Variants in MLLT1 observed in about 807,000 individuals in gnomAD.
The protein encoded by MLLT1 is protein ENL.
MLLT1 carries 11 observed loss-of-function variants against 55.1 expected under a neutral mutation model. That is an observed-to-expected ratio of 0.20 (90% CI 0.13 to 0.33). The LOEUF (loss-of-function observed/expected upper bound fraction) is 0.33, where lower values mean the gene tolerates loss of function less well. Among genes scored for constraint, MLLT1 ranks in the 10% least tolerant of loss-of-function variants. The probability of loss-of-function intolerance (pLI) is 1.00; values close to 1 mark genes in which losing one functional copy is unlikely to be tolerated. For synonymous variants in MLLT1, 323 were observed against 320.1 expected (o/e 1.01, Z -0.10); for missense variants, 536 against 760.6 (o/e 0.70, Z 3.47).
At chr19:6,236,243 A>C (rs1193301327) in intron 3 of MLLT1, among the ~76,000 whole-genome samples, 1 of 152,216 alleles carries the variant, frequency 6.6e-6, no homozygotes, top group African/African-American at 2.4e-5. Flanking sequence ...ACCGTGTCAC[A>C]GTGTCTGCAG....
intron 3 of MLLT1, among the ~76,000 whole-genome samples, chr19:6,239,498 G>A (rs1293273526): frequency 6.6e-6 from 1 of 152,136 alleles, no homozygotes; most frequent in East Asian, 1.9e-4. Flanking sequence ...GAGGGCCACG[G>A]GCAGGGAGTT....
Position 6,227,340 on chromosome 19 carries a change from G to A in MLLT1, c.421-238C>T, listed in dbSNP as rs545229078. Among the ~76,000 whole-genome samples, 15 of 152,326 alleles carry A rather than the reference G, an allele frequency of 9.8e-5. No individual in the cohort carries two copies. Among genetic ancestry groups the A allele is most frequent in the East Asian group, 7.8e-4 (4 of 5,156 alleles). On this transcript the variant is annotated intron_variant, in intron 4 of 11. Coordinates refer to ENST00000252674, the MANE Select transcript of MLLT1 (RefSeq NM_005934.4). This position sits in a 1 kb window ranked among gnomAD's most constrained non-coding sequence, Gnocchi z 5.1. The stretch of plus-strand genomic sequence containing the variant: ...GGTCCCAGGATGGCTGGGACCAGGT[G>A]GGGCCACGCGGCCTTCCGGGAACAG...
rs953538295 is a variant in MLLT1, at chr19:6,262,095, C to G, written c.276+133G>C. ...AGGAATGGAGATGGTGACCAGCACC[C>G]CCCGCAGCACTCACTGGAATGTCTG... is the stretch of plus-strand genomic sequence containing the variant. On this transcript the variant is annotated intron_variant, in intron 3 of 11. Coordinates refer to ENST00000252674, the MANE Select transcript of MLLT1 (RefSeq NM_005934.4). This position sits in a 1 kb window ranked among gnomAD's most constrained non-coding sequence, Gnocchi z 4.4. The G allele has an allele frequency of 1.4e-6, 1 of 697,254 alleles. No homozygotes were observed. The highest frequency in any genetic ancestry group is 1.6e-5 in the South Asian group (1 of 61,496). 43.2% of individuals were successfully genotyped at this position (697,254 alleles called of 1,614,324 possible).
At position 6,212,895 on chromosome 19, in the gene MLLT1, G is replaced by A. The variant is rs943217067; in HGVS notation, c.*147C>T. ...CGGGGAGAGTGGGCAGGGAGCCGCC[G>A]AGGAAAGTGCAGCGGGCTGTGCGGG... On this transcript the variant is annotated 3_prime_UTR_variant, in exon 12 of 12. Transcript: ENST00000252674. The A allele has an allele frequency of 1.0e-4, 117 of 1,131,816 alleles. No individual in the cohort carries two copies. Among genetic ancestry groups the A allele is most frequent in the East Asian group, 6.1e-4 (23 of 37,830 alleles). 70.1% of individuals were successfully genotyped at this position (1,131,816 alleles called of 1,614,324 possible). A position where few individuals can be genotyped will look rare whatever the true frequency, so the allele number is the denominator to read the frequency against.
Position 6,231,062 on chromosome 19 carries a change from G to A in MLLT1, c.277-349C>T, listed in dbSNP as rs1231709600. The stretch of plus-strand genomic sequence containing the variant: ...ACACCAACTAACACGTGGCAGCACT[G>A]AGACCTGCCCCAGGCCTCTGAGGCC... On this transcript the variant is annotated intron_variant, in intron 3 of 11. Coordinates refer to ENST00000252674, the MANE Select transcript of MLLT1 (RefSeq NM_005934.4). This position sits in a 1 kb window ranked among gnomAD's most constrained non-coding sequence, Gnocchi z 5.1. Among the ~76,000 whole-genome samples, 1 of 152,200 alleles carries A rather than the reference G, an allele frequency of 6.6e-6. No individual in the cohort carries two copies. The highest frequency in any genetic ancestry group is 6.5e-5 in the Admixed American group (1 of 15,280).
At chr19:6,232,935 T>C (rs901521322) in intron 3 of MLLT1, among the ~76,000 whole-genome samples, 4 of 152,152 alleles carry the variant, frequency 2.6e-5, no homozygotes, top group Non-Finnish European at 2.9e-5. Flanking sequence ...TGAAGGCTTC[T>C]GAGTTGGGGA....
chr19:6,269,325 C>T (rs896003560), intron 2 of MLLT1, among the ~76,000 whole-genome samples: 5 of 152,366 alleles, frequency 3.3e-5, no homozygotes, highest in African/African-American at 7.2e-5. Flanking sequence ...CGCGATCCTG[C>T]GCACGAAGCG....
intron 3 of MLLT1, among the ~76,000 whole-genome samples, chr19:6,245,975 G>A (rs1342127392): frequency 6.6e-6 from 1 of 152,166 alleles, no homozygotes; most frequent in Non-Finnish European, 1.5e-5. Flanking sequence ...CTACTTGAGA[G>A]GCTGAGGCAG....
Position 6,273,964 on chromosome 19 carries a change from G to A in MLLT1, c.13-3205C>T, listed in dbSNP as rs985475099. Among the ~76,000 whole-genome samples the A allele has an allele frequency of 6.6e-6, 1 of 152,234 alleles. No homozygotes were observed. The highest frequency in any genetic ancestry group is 1.5e-5 in the Non-Finnish European group (1 of 68,038). On this transcript the variant is annotated intron_variant, in intron 1 of 11. Coordinates refer to ENST00000252674, the MANE Select transcript of MLLT1 (RefSeq NM_005934.4). This position sits in a 1 kb window ranked among gnomAD's most constrained non-coding sequence, Gnocchi z 4.3. Reference sequence around the variant, plus strand: ...AGGATGGAAGCACCAGAACTCCACCGCAGTGGCCAAAGTAAACAGGAAGGT... The same window carrying A: ...AGGATGGAAGCACCAGAACTCCACCACAGTGGCCAAAGTAAACAGGAAGGT...
Position 6,212,489 on chromosome 19 carries a change from T to C in MLLT1, c.*553A>G. On this transcript the variant is annotated 3_prime_UTR_variant, in exon 12 of 12. Transcript: ENST00000252674. ...CTTGACCAGACAGTGCACACACATA[T>C]ATAATAGAGAGAACTATACAGCACA... 9.4e-7 allele frequency: 1 copy of C among 1,066,660 alleles called. No homozygotes were observed. 66.1% of individuals were successfully genotyped at this position (1,066,660 alleles called of 1,614,324 possible). A position where few individuals can be genotyped will look rare whatever the true frequency, so the allele number is the denominator to read the frequency against.
chr19:6,237,591 A>C (rs1214618878), intron 3 of MLLT1, among the ~76,000 whole-genome samples: 1 of 145,308 alleles, frequency 6.9e-6, no homozygotes, highest in East Asian at 2.0e-4. Flanking sequence ...CCCCATCTCT[A>C]CTAAAAATAC....
chr19:6,228,868 G>A (rs553003164), intron 4 of MLLT1, among the ~76,000 whole-genome samples: 2 of 152,242 alleles, frequency 1.3e-5, no homozygotes, highest in South Asian at 4.1e-4. Context: ...CCAGCGCCTG[G>A]GGCAGAGACC....
Position 6,240,994 on chromosome 19 carries a change from A to G in MLLT1, c.277-10281T>C, listed in dbSNP as rs1026772013. Among the ~76,000 whole-genome samples, 3 of 152,234 alleles carry G rather than the reference A, an allele frequency of 2.0e-5. No individual in the cohort carries two copies. The highest frequency in any genetic ancestry group is 7.2e-5 in the African/African-American group (3 of 41,462). On this transcript the variant is annotated intron_variant, in intron 3 of 11. Coordinates refer to ENST00000252674, the MANE Select transcript of MLLT1 (RefSeq NM_005934.4). This position sits in a 1 kb window ranked among gnomAD's most constrained non-coding sequence, Gnocchi z 4.7. ...CAGTCTGACACCAGAAAAGGCAGAA[A>G]GCAGCCAGCAACGTAAACACCTGTA...
chr19:6,276,117 G>A (rs1243102058), intron 1 of MLLT1, among the ~76,000 whole-genome samples: 4 of 152,152 alleles, frequency 2.6e-5, no homozygotes. Context: ...AACCACAACG[G>A]GCATAAAGGG....
At chr19:6,217,567 A>C (rs1253868161) in intron 7 of MLLT1, among the ~76,000 whole-genome samples, 1 of 152,222 alleles carries the variant, frequency 6.6e-6, no homozygotes, top group Non-Finnish European at 1.5e-5. Context: ...GGCCGTCCAC[A>C]GGCAGCCAGT....
Position 6,229,028 on chromosome 19 carries a change from G to A in MLLT1, c.420+1542C>T, listed in dbSNP as rs1022663963. On this transcript the variant is annotated intron_variant, in intron 4 of 11. Coordinates refer to ENST00000252674, the MANE Select transcript of MLLT1 (RefSeq NM_005934.4). This position sits in a 1 kb window ranked among gnomAD's most constrained non-coding sequence, Gnocchi z 5.2. ...TGCCCTCAGAGCCTTCATCGCTGTGGAGCAAAGGAAGCCGCCTCCCACAGG... is the reference window on the plus strand; with the variant it reads ...TGCCCTCAGAGCCTTCATCGCTGTGAAGCAAAGGAAGCCGCCTCCCACAGG... Among the ~76,000 whole-genome samples, 1 of 152,170 alleles carries A rather than the reference G, an allele frequency of 6.6e-6. No individual in the cohort carries two copies. Among genetic ancestry groups the A allele is most frequent in the African/African-American group, 2.4e-5 (1 of 41,438 alleles).
chr19:6,278,275 A>G (rs1390385933), intron 1 of MLLT1, among the ~76,000 whole-genome samples: 1 of 152,140 alleles, frequency 6.6e-6, no homozygotes, highest in Admixed American at 6.5e-5. Flanking sequence ...GGGGCCAGCA[A>G]TGCTTCTGGG....
intron 3 of MLLT1, among the ~76,000 whole-genome samples, chr19:6,241,164 T>C (rs2091109472): frequency 6.6e-6 from 1 of 152,206 alleles, no homozygotes; most frequent in East Asian, 1.9e-4. Flanking sequence ...CGGGGCCTCC[T>C]GCCTCCCTCA....
chr19:6,245,208 CCTTTCTTTCTTTCTTT>C (rs145860967), intron 3 of MLLT1, among the ~76,000 whole-genome samples: 1 of 149,666 alleles, frequency 6.7e-6, no homozygotes, highest in Non-Finnish European at 1.5e-5. Flanking sequence ...TTCTTTTTTT[CCTTTCTTTCTTTCTTT>C]CTTTCTTTCT....
Sources: gnomAD v4.1 joint callset for allele counts (sites outside exome capture counted in the v4.1 genomes callset) on GRCh38, gnomAD v4.1.1 for gene constraint, Gnocchi (gnomAD v3.1) non-coding constraint, MANE v1.5 for transcripts, NCBI Gene and HGNC (gene_info 2026-07-23, HGNC 2026-07-21) for gene names.